Variants in STRN observed in about 807,000 individuals in gnomAD.
STRN encodes protein phosphatase 2 regulatory subunit B'''alpha.
In STRN, 53 loss-of-function variants were observed where a neutral mutation model predicts 96.3. The observed-to-expected ratio is 0.55, with a 90% CI of 0.44 to 0.69. The LOEUF (loss-of-function observed/expected upper bound fraction) is 0.69, where lower values mean the gene tolerates loss of function less well. STRN is among the 30% of genes least tolerant of loss of function. STRN has a pLI of 0.00. For synonymous variants in STRN, 428 were observed against 355.9 expected, an observed-to-expected ratio of 1.20 and a Z score of -2.28; for missense variants, 987 against 963.9, an observed-to-expected ratio of 1.02 and a Z score of -0.32.
intron 1 of STRN, among the ~76,000 whole-genome samples, chr2:36,939,761 C>T (rs894954688): frequency 6.6e-6 from 1 of 152,202 alleles, no homozygotes; most frequent in South Asian, 2.1e-4. Flanking sequence ...ATTCTGTAAG[C>T]ATTTGCTGAA....
At chr2:36,859,282 G>A (rs1404472980) in intron 13 of STRN, among the ~76,000 whole-genome samples, 2 of 152,146 alleles carry the variant, frequency 1.3e-5, no homozygotes, top group Non-Finnish European at 2.9e-5. Flanking sequence ...GCAAGAGATT[G>A]TTTCAGCAGA....
At chr2:36,872,089 C>G (rs1236812246) in intron 10 of STRN, among the ~76,000 whole-genome samples, 3 of 152,176 alleles carry the variant, frequency 2.0e-5, no homozygotes, top group Non-Finnish European at 4.4e-5. Context: ...GGTAGGCAGC[C>G]ACTAAGATGG....
rs755795738 is a variant in STRN, at chr2:36,846,080, A to G, written c.*3376T>C. 3 of 141,016 alleles carry G rather than the reference A, an allele frequency of 2.1e-5. No homozygotes were observed. The highest frequency in any genetic ancestry group is 4.5e-5 in the Non-Finnish European group (3 of 66,332). The allele number at this position is 141,016 out of a possible 1,614,324, so 8.7% of individuals were successfully genotyped here. A position where few individuals can be genotyped will look rare whatever the true frequency, so the allele number is the denominator to read the frequency against. On this transcript the variant is annotated 3_prime_UTR_variant, in exon 18 of 18. Coordinates refer to ENST00000263918, the MANE Select transcript of STRN (RefSeq NM_003162.4). ...TTTTCTAGCTATTGCCTTCTTGATG[A>G]TATTTGTTTTTGTTAAAAAGTCTGA...
intron 5 of STRN, among the ~76,000 whole-genome samples, chr2:36,902,233 G>C (rs1300499318): frequency 6.6e-6 from 1 of 152,142 alleles, no homozygotes; most frequent in Non-Finnish European, 1.5e-5. Context: ...TACAGAATTT[G>C]AGGTATTTTT....
intron 10 of STRN, 65 bp downstream of exon 10, chr2:36,877,826 C>T (rs748561931): frequency 1.3e-4 from 209 of 1,587,556 alleles, no homozygotes; most frequent in Non-Finnish European, 1.8e-4. Context: ...TGAGCCACCG[C>T]ACCCAGCCCA....
chr2:36,859,501 CGA>C (rs1668425170), intron 13 of STRN, among the ~76,000 whole-genome samples: 1 of 152,028 alleles, frequency 6.6e-6, no homozygotes, highest in African/African-American at 2.4e-5. Context: ...AAAGAATATA[CGA>C]GAGAAGAAAC....
chr2:36,936,724 G>A (rs115672477), intron 1 of STRN, among the ~76,000 whole-genome samples: 2,692 of 152,262 alleles, frequency 0.018, 84 homozygotes, highest in African/African-American at 0.061. Context: ...AAAATCTTAT[G>A]AGTCAGCAAG....
At chr2:36,916,846 T>A (rs935088451) in intron 2 of STRN, among the ~76,000 whole-genome samples, 4 of 152,160 alleles carry the variant, frequency 2.6e-5, no homozygotes, top group Admixed American at 2.0e-4. Flanking sequence ...GATTTAACTA[T>A]CTCGGATTTA....
intron 3 of STRN, among the ~76,000 whole-genome samples, chr2:36,910,254 C>T (rs181972665): frequency 6.7e-5 from 10 of 150,072 alleles, no homozygotes; most frequent in Non-Finnish European, 1.0e-4. Context: ...TTACAAGACA[C>T]GTGAGCGGAA....
At chr2:36,857,225 ATT>A in intron 14 of STRN, among the ~76,000 whole-genome samples, 1 of 151,402 alleles carries the variant, frequency 6.6e-6, no homozygotes, top group Middle Eastern at 3.4e-3. Context: ...CCACACCTGG[ATT>A]CTATGTCTTG....
rs1667917520 is a variant in STRN at position 36,840,167 on chromosome 2, G to T, written c.*9289C>A. The stretch of plus-strand genomic sequence containing the variant: ...AGTAGGGCCATCTGTAGGTTGCAAG[G>T]AAAGAGTGTGGAAGTGGACCTGTTC... On this transcript the variant is annotated 3_prime_UTR_variant, in exon 18 of 18. Coordinates refer to ENST00000263918, the MANE Select transcript of STRN (RefSeq NM_003162.4). The T allele has an allele frequency of 6.6e-6, 1 of 152,260 alleles. No homozygotes were observed. Among genetic ancestry groups the T allele is most frequent in the Non-Finnish European group, 1.5e-5 (1 of 68,112 alleles). The allele number at this position is 152,260 out of a possible 1,614,324, so 9.4% of individuals were successfully genotyped here. A position where few individuals can be genotyped will look rare whatever the true frequency, so the allele number is the denominator to read the frequency against.
intron 2 of STRN, among the ~76,000 whole-genome samples, chr2:36,919,326 A>C (rs1199590873): frequency 2.0e-5 from 3 of 152,234 alleles, no homozygotes; most frequent in East Asian, 1.9e-4. Context: ...GGGATTATCT[A>C]ATCTAATTCG....
At chr2:36,933,214 C>T (rs1443740232) in intron 1 of STRN, among the ~76,000 whole-genome samples, 1 of 152,000 alleles carries the variant, frequency 6.6e-6, no homozygotes, top group Non-Finnish European at 1.5e-5. Flanking sequence ...CTTTTCACAG[C>T]ATTTACATTA....
chr2:36,904,036 T>G (rs1025422604), intron 4 of STRN, among the ~76,000 whole-genome samples: 4 of 152,206 alleles, frequency 2.6e-5, no homozygotes, highest in Non-Finnish European at 5.9e-5. Context: ...TCAGAAGAGT[T>G]GATTATGGGT....
Position 36,849,412 on chromosome 2 carries a change from T to A in STRN, c.*44A>T. 6.2e-7 allele frequency: 1 copy of A among 1,603,778 alleles called. No homozygotes were observed. The highest frequency in any genetic ancestry group is 1.1e-5 in the South Asian group (1 of 90,114). ...CGTCTTCTGTATCTCTTGTGTGCAG[T>A]TGATTACTTATAAACAGCTAGAAGG... On this transcript the variant is annotated 3_prime_UTR_variant, in exon 18 of 18. Transcript: ENST00000263918.
chr2:36,934,713 A>G (rs1263971426), intron 1 of STRN, among the ~76,000 whole-genome samples: 1 of 152,180 alleles, frequency 6.6e-6, no homozygotes, highest in Non-Finnish European at 1.5e-5. Flanking sequence ...GCTATCGACA[A>G]TCTGTTCCCA....
chr2:36,929,712 T>C (rs564718670), intron 1 of STRN, among the ~76,000 whole-genome samples: 3 of 152,272 alleles, frequency 2.0e-5, no homozygotes, highest in East Asian at 1.9e-4. Flanking sequence ...CTACCTTGTA[T>C]TCTAAAATTT....
intron 1 of STRN, among the ~76,000 whole-genome samples, chr2:36,941,694 C>A (rs892689615): frequency 2.0e-5 from 3 of 150,712 alleles, no homozygotes; most frequent in Admixed American, 2.0e-4. Flanking sequence ...GGATTACAGG[C>A]GCCTGCCACC....
Position 36,916,149 on chromosome 2 carries a change from G to C in STRN, c.341C>G (p.Ala114Gly). 1 of 1,612,384 alleles carries C rather than the reference G, an allele frequency of 6.2e-7. No individual in the cohort carries two copies. Among genetic ancestry groups the C allele is most frequent in the Non-Finnish European group, 8.5e-7 (1 of 1,178,998 alleles). The change falls in exon 3 of 18, where the codon GCC becomes GGC. Residue 114 changes from alanine to glycine, a missense_variant and splice_region_variant. Coordinates refer to ENST00000263918, the MANE Select transcript of STRN (RefSeq NM_003162.4). ...MLEYALKQER[A>G]KYHKLKYGTE... Reference sequence around the variant, plus strand: ...CCCGTATTTCAACTTGTGGTATTTGGCTCTAACAAAGAAATGAGAAAATAC... The same window carrying C: ...CCCGTATTTCAACTTGTGGTATTTGCCTCTAACAAAGAAATGAGAAAATAC...
Sources: allele counts gnomAD v4.1 joint callset (sites outside exome capture counted in the v4.1 genomes callset), GRCh38; gene constraint gnomAD v4.1.1; transcripts MANE v1.5; gene names NCBI Gene and HGNC (gene_info 2026-07-23, HGNC 2026-07-21).